The following HAS3 variants were observed in gnomAD, a reference collection of about 807,000 sequenced individuals.
HAS3 encodes the protein hyaluronan synthase 3.
A neutral mutation model predicts 50.3 loss-of-function variants in HAS3; 27 were observed. The ratio of observed to expected loss-of-function variants is 0.54; its 90% CI spans 0.40 to 0.74. The LOEUF is 0.74. Among genes scored for constraint, HAS3 ranks in the 30% least tolerant of loss-of-function variants. HAS3 has a pLI of 0.00. For synonymous variants in HAS3, 339 were observed against 310.9 expected, an observed-to-expected ratio of 1.09 and a Z score of -0.95; for missense variants, 517 against 742.8, an observed-to-expected ratio of 0.70 and a Z score of 3.53.
the HAS3 span, among the ~76,000 whole-genome samples, chr16:69,100,383 T>A: frequency 6.6e-6 from 1 of 152,100 alleles, no homozygotes; most frequent in Non-Finnish European, 1.5e-5. Context: ...CAGTTCGCCC[T>A]CCTTAGCTTC....
chr16:69,111,650 TC>T (rs1961005924), intron 2 of HAS3, among the ~76,000 whole-genome samples: 1 of 152,208 alleles, frequency 6.6e-6, no homozygotes, highest in African/African-American at 2.4e-5. Context: ...GATATGTTTA[TC>T]TTTTTCTGGC....
Position 69,115,114 on chromosome 16 carries a change from C to T in HAS3, c.1510C>T (p.Leu504=). The T allele has an allele frequency of 1.2e-6, 2 of 1,611,926 alleles. No homozygotes were observed. Among genetic ancestry groups the T allele is most frequent in the Non-Finnish European group, 1.7e-6 (2 of 1,178,754 alleles). Residue 504 remains leucine (L), a synonymous_variant, in exon 4 of 4, where the codon CTG becomes TTG. Transcript: ENST00000569188. ...GGCCTACACAGCTTATTGCCAGGAC[C>T]TGTTCAGTGAGACAGAGCTAGCCTT... The part of the protein sequence containing the change: ...GLAYTAYCQD[L]FSETELAFLV...
upstream of HAS3, among the ~76,000 whole-genome samples, chr16:69,101,524 T>A (rs1960696515): frequency 6.6e-6 from 1 of 152,168 alleles, no homozygotes. Flanking sequence ...GGTGGAACTT[T>A]AGTGTAGATT....
chr16:69,102,738 A>G (rs905314217), upstream of HAS3, among the ~76,000 whole-genome samples: 3 of 151,866 alleles, frequency 2.0e-5, no homozygotes, highest in African/African-American at 7.3e-5. Context: ...CACCTGGAAA[A>G]CTCCGTGGAG....
At chr16:69,098,401 G>GA in the HAS3 span, among the ~76,000 whole-genome samples, 1 of 151,338 alleles carries the variant, frequency 6.6e-6, no homozygotes, top group Non-Finnish European at 1.5e-5. Context: ...TGTGAACTCA[G>GA]AATTTATCTT....
downstream of HAS3, chr16:69,118,124 C>A: frequency 5.0e-6 from 2 of 401,430 alleles, no homozygotes; most frequent in Admixed American, 3.9e-5. Flanking sequence ...CCCTTCATCC[C>A]CCACCCCCAC....
At chr16:69,085,266 C>T in the HAS3 span, 30 of 152,438 alleles carry the variant, frequency 2.0e-4, no homozygotes, top group African/African-American at 6.7e-4. Flanking sequence ...TTGCATTAAC[C>T]GCATTCCAGT....
At chr16:69,096,818 C>A in the HAS3 span, among the ~76,000 whole-genome samples, 1 of 151,828 alleles carries the variant, frequency 6.6e-6, no homozygotes, top group African/African-American at 2.4e-5. Flanking sequence ...GGGGTTTTAT[C>A]ATGTTAGCCA....
the HAS3 span, among the ~76,000 whole-genome samples, chr16:69,095,048 C>A: frequency 6.8e-6 from 1 of 146,306 alleles, no homozygotes; most frequent in Non-Finnish European, 1.5e-5. Flanking sequence ...GTAACACAAT[C>A]TCAGCTCACT....
chr16:69,093,293 T>C, the HAS3 span, among the ~76,000 whole-genome samples: 1 of 151,914 alleles, frequency 6.6e-6, no homozygotes, highest in African/African-American at 2.4e-5. Flanking sequence ...TCACCTGCAA[T>C]CTCCACCTCC....
chr16:69,107,640 C>T lies in HAS3; in HGVS notation c.1-1756C>T. 2.0e-6 allele frequency: 2 copies of T among 985,560 alleles called. No individual in the cohort carries two copies. Among genetic ancestry groups the T allele is most frequent in the Non-Finnish European group, 2.4e-6 (2 of 830,008 alleles). The allele number at this position is 985,560 out of a possible 1,614,324, so 61.1% of individuals were successfully genotyped here. A position where few individuals can be genotyped will look rare whatever the true frequency, so the allele number is the denominator to read the frequency against. On this transcript the variant is annotated intron_variant, in intron 1 of 3. Coordinates refer to ENST00000569188, the MANE Select transcript of HAS3 (RefSeq NM_001199280.2). The surrounding 1 kb of genome is among the most constrained non-coding windows in gnomAD (Gnocchi z 5.5). ...GTTGCTGGGCTGGCCTTGGCGCCCC[C>T]TTCCCCTACCCAGAGCGCAGGCAGG... is the stretch of plus-strand genomic sequence containing the variant.
chr16:69,108,376 G>C (rs1191015070), intron 1 of HAS3, among the ~76,000 whole-genome samples: 1 of 152,158 alleles, frequency 6.6e-6, no homozygotes, highest in Non-Finnish European at 1.5e-5. Flanking sequence ...CTGGGGCAAG[G>C]TCAGGCAGCC....
chr16:69,091,095 G>A, the HAS3 span, among the ~76,000 whole-genome samples: 4 of 152,114 alleles, frequency 2.6e-5, no homozygotes, highest in African/African-American at 7.2e-5. Flanking sequence ...TCCAAAGAAA[G>A]AAAAATTCCC....
In HAS3 at chr16:69,109,849, C is replaced by T. The variant is rs749320561; in HGVS notation, c.454C>T (p.Arg152Cys). The change falls in exon 2 of 4, where the codon CGC becomes TGC. Residue 152 changes from arginine (R) to cysteine (C), a missense_variant. By Grantham distance (180) the Arg-to-Cys change is radical. Transcript: ENST00000569188. The surrounding 1 kb of genome is among the most constrained non-coding windows in gnomAD (Gnocchi z 5.3). Reference sequence around the variant, plus strand: ...CGAGCAGGCCGGCTTCTTTGTGTGGCGCAGCAACTTCCATGAGGCAGGCGA... The same window carrying T: ...CGAGCAGGCCGGCTTCTTTGTGTGGTGCAGCAACTTCCATGAGGCAGGCGA... ...GTEQAGFFVW[R>C]SNFHEAGEGE... 13 of 1,613,420 alleles carry T rather than the reference C, an allele frequency of 8.1e-6. No individual in the cohort carries two copies. The highest frequency in any genetic ancestry group is 1.7e-4 in the Middle Eastern group (1 of 6,060).
intron 2 of HAS3, among the ~76,000 whole-genome samples, chr16:69,110,265 C>A (rs898695760): frequency 1.3e-5 from 2 of 152,170 alleles, no homozygotes; most frequent in African/African-American, 4.8e-5. Flanking sequence ...TCCTGGCTAA[C>A]ACGGTGAAAC....
At chr16:69,113,416 G>C (rs1961073352) in intron 2 of HAS3, 25 bp from the exon 3 acceptor site, 29 of 1,530,866 alleles carry the variant, frequency 1.9e-5, no homozygotes, top group Non-Finnish European at 2.6e-5. Flanking sequence ...GGTCAGAATG[G>C]GCTGACGACG....
rs1961188517 is a variant in HAS3 at position 69,116,524 on chromosome 16, G to C, written c.*1258G>C. 1.0e-6 allele frequency: 1 copy of C among 985,394 alleles called. No individual in the cohort carries two copies. Among genetic ancestry groups the C allele is most frequent in the Admixed American group, 6.1e-5 (1 of 16,264 alleles). The allele number at this position is 985,394 out of a possible 1,614,324, so 61.0% of individuals were successfully genotyped here. On this transcript the variant is annotated 3_prime_UTR_variant, in exon 4 of 4. Transcript: ENST00000569188. ...TCAAATCCAAAATGGTTATCTTTGA[G>C]ACCATCCATTCTCCTCAGTGGCTTC... is the stretch of plus-strand genomic sequence containing the variant.
intron 2 of HAS3, among the ~76,000 whole-genome samples, chr16:69,112,883 C>A (rs1457252259): frequency 6.6e-6 from 1 of 152,178 alleles, no homozygotes; most frequent in African/African-American, 2.4e-5. Flanking sequence ...TGCCCTGGTC[C>A]GAGAGGCTCG....
At chr16:69,098,264 A>T in the HAS3 span, among the ~76,000 whole-genome samples, 2 of 152,108 alleles carry the variant, frequency 1.3e-5, no homozygotes, top group Admixed American at 6.6e-5. Context: ...CAAGCTACTC[A>T]GGAGGCTGAG....
Sources: gnomAD v4.1 joint callset for allele counts (sites outside exome capture counted in the v4.1 genomes callset) on GRCh38, gnomAD v4.1.1 for gene constraint, Gnocchi (gnomAD v3.1) non-coding constraint, MANE v1.5 for transcripts, NCBI Gene and HGNC (gene_info 2026-07-23, HGNC 2026-07-21) for gene names.